NRXN3: variants seen among roughly 807,000 people sequenced by gnomAD.
The protein encoded by NRXN3 is neurexin III.
Under a neutral mutation model 137.6 loss-of-function variants are expected in NRXN3, and 32 were observed. The ratio of observed to expected loss-of-function variants is 0.23; its 90% CI spans 0.18 to 0.31. The LOEUF (loss-of-function observed/expected upper bound fraction) is 0.31, where lower values mean the gene tolerates loss of function less well. NRXN3 is among the 10% of genes least tolerant of loss of function. The probability of loss-of-function intolerance (pLI) is 1.00; values close to 1 mark genes in which losing one functional copy is unlikely to be tolerated. For missense variants in NRXN3, 1,574 were observed against 2,062.5 expected (o/e 0.76, Z 4.59); for synonymous variants, 798 against 784.5 (o/e 1.02, Z -0.29).
At chr14:79,530,468 G>GC (rs2097159470) in intron 16 of NRXN3, among the ~76,000 whole-genome samples, 1 of 152,080 alleles carries the variant, frequency 6.6e-6, no homozygotes, top group African/African-American at 2.4e-5. Context: ...TGCTTCAGAT[G>GC]CCCCCCGGAC....
intron 4 of NRXN3, among the ~76,000 whole-genome samples, chr14:78,411,912 T>A (rs2092852546): frequency 6.6e-6 from 1 of 152,242 alleles, no homozygotes; most frequent in South Asian, 2.1e-4. Flanking sequence ...TGAGATTTTA[T>A]GTGTCTATGT....
At chr14:78,471,511 C>A (rs1211798632) in intron 4 of NRXN3, among the ~76,000 whole-genome samples, 1 of 152,194 alleles carries the variant, frequency 6.6e-6, no homozygotes, top group Non-Finnish European at 1.5e-5. Flanking sequence ...TCACTCAGGT[C>A]TGCTCCCTCT....
At chr14:78,528,854 A>G (rs1353446818) in intron 4 of NRXN3, among the ~76,000 whole-genome samples, 1 of 152,110 alleles carries the variant, frequency 6.6e-6, no homozygotes, top group Non-Finnish European at 1.5e-5. Flanking sequence ...AAAATTCTGT[A>G]TCTAGATTAC....
At chr14:79,707,276 A>G (rs2098784360) in intron 19 of NRXN3, among the ~76,000 whole-genome samples, 1 of 152,200 alleles carries the variant, frequency 6.6e-6, no homozygotes, top group Non-Finnish European at 1.5e-5. Context: ...TAAGTTAAGC[A>G]AATGCTTATC....
rs754889070 is a variant in NRXN3 at position 78,243,474 on chromosome 14, C to A, written c.381C>A (p.Gly127=). ...TGCGCACGGTGCTGATGCTTGATGGCGAGGGCCAGTCTGGGGAGCTGCAGC... is the reference window on the plus strand; with the variant it reads ...TGCGCACGGTGCTGATGCTTGATGGAGAGGGCCAGTCTGGGGAGCTGCAGC... The part of the protein sequence containing the change: ...DRLRTVLMLD[G]EGQSGELQPQ... Residue 127 remains glycine, a synonymous_variant, in exon 2 of 21, where the codon GGC becomes GGA. Coordinates refer to ENST00000335750, the MANE Select transcript of NRXN3 (RefSeq NM_001330195.2). This position sits in a 1 kb window ranked among gnomAD's most constrained non-coding sequence, Gnocchi z 4.2. The A allele has an allele frequency of 1.9e-6, 3 of 1,584,844 alleles. No individual in the cohort carries two copies. In the East Asian group the frequency reaches 6.8e-5, roughly 36 times the overall value.
chr14:79,186,971 C>T (rs1489698663), intron 15 of NRXN3, among the ~76,000 whole-genome samples: 1 of 152,146 alleles, frequency 6.6e-6, no homozygotes, highest in Non-Finnish European at 1.5e-5. Context: ...AGCATTTGAT[C>T]TATATGTTAT....
chr14:78,337,932 G>T (rs1014696303), intron 4 of NRXN3, among the ~76,000 whole-genome samples: 3 of 152,132 alleles, frequency 2.0e-5, no homozygotes, highest in African/African-American at 7.2e-5. Flanking sequence ...GACTGACTCA[G>T]CTTAGGCTGT....
In NRXN3 at chr14:79,257,388, A is replaced by ATGGTGG. The variant is rs1555899794; in HGVS notation, c.3263-209812_3263-209807dup. 7.0e-3 allele frequency among the ~76,000 whole-genome samples: 221 copies of ATGGTGG among 31,426 alleles called. 1 individual carries two copies. The highest frequency in any genetic ancestry group is 0.012 in the East Asian group (11 of 910). The allele number at this position is 31,426 out of a possible 152,430, so 20.6% of individuals were successfully genotyped here. A position where few individuals can be genotyped will look rare whatever the true frequency, so the allele number is the denominator to read the frequency against. ...GGTGGTGGTGGTGGTGGTGGTGGTG[A>ATGGTGG]TGGTGGTGGTGGTGGTGGTGGTGGT... On this transcript the variant is annotated intron_variant, in intron 15 of 20. Coordinates refer to ENST00000335750, the MANE Select transcript of NRXN3 (RefSeq NM_001330195.2).
intron 16 of NRXN3, among the ~76,000 whole-genome samples, chr14:79,501,592 G>C (rs1446396505): frequency 2.0e-5 from 3 of 152,112 alleles, no homozygotes; most frequent in African/African-American, 7.2e-5. Context: ...GGGAACAAAG[G>C]CCCTTGAGGG....
chr14:78,751,274 A>G (rs931609350), intron 8 of NRXN3, among the ~76,000 whole-genome samples: 1 of 152,218 alleles, frequency 6.6e-6, no homozygotes, highest in African/African-American at 2.4e-5. Flanking sequence ...AGCTACCCTC[A>G]TAGCATCCCC....
chr14:79,053,092 A>G (rs2099644311), intron 15 of NRXN3, among the ~76,000 whole-genome samples: 1 of 152,222 alleles, frequency 6.6e-6, no homozygotes, highest in African/African-American at 2.4e-5. Flanking sequence ...TGCCTGTTCT[A>G]TGCTAGCACT....
intron 16 of NRXN3, among the ~76,000 whole-genome samples, chr14:79,494,762 A>G (rs1427031076): frequency 1.3e-5 from 2 of 152,212 alleles, no homozygotes; most frequent in Non-Finnish European, 2.9e-5. Flanking sequence ...ACGTTAAAAT[A>G]TTATGTAACC....
chr14:78,296,897 C>G (rs1212994086), intron 3 of NRXN3, among the ~76,000 whole-genome samples: 1 of 151,994 alleles, frequency 6.6e-6, no homozygotes, highest in Non-Finnish European at 1.5e-5. Context: ...TTGGATATGT[C>G]AAATATCTCC....
chr14:78,336,007 G>A (rs2153576309), intron 4 of NRXN3, among the ~76,000 whole-genome samples: 1 of 152,270 alleles, frequency 6.6e-6, no homozygotes, highest in Non-Finnish European at 1.5e-5. Context: ...ATGTGCTTTG[G>A]AGCTGTGGTC....
chr14:79,610,433 G>A (rs2098084536), intron 16 of NRXN3, among the ~76,000 whole-genome samples: 1 of 152,146 alleles, frequency 6.6e-6, no homozygotes, highest in African/African-American at 2.4e-5. Flanking sequence ...CAACTAAGTT[G>A]TAAAATCCTT....
At chr14:78,487,211 G>C (rs1261162272) in intron 4 of NRXN3, among the ~76,000 whole-genome samples, 2 of 151,476 alleles carry the variant, frequency 1.3e-5, no homozygotes, top group African/African-American at 4.9e-5. Flanking sequence ...TGTGGAATCT[G>C]GTTGATATTT....
intron 1 of NRXN3, among the ~76,000 whole-genome samples, chr14:78,171,261 A>C (rs1331581545): frequency 7.9e-6 from 1 of 127,300 alleles, no homozygotes; most frequent in Non-Finnish European, 1.6e-5. Context: ...AGGTGGTCCT[A>C]GAGTCTAAAA....
At chr14:78,173,223 A>C (rs909093282) in intron 1 of NRXN3, among the ~76,000 whole-genome samples, 1 of 151,062 alleles carries the variant, frequency 6.6e-6, no homozygotes, top group Non-Finnish European at 1.5e-5. Flanking sequence ...TCTATTCTGC[A>C]CCCCCCTTTC....
intron 4 of NRXN3, among the ~76,000 whole-genome samples, chr14:78,544,105 G>T (rs1052874425): frequency 6.6e-6 from 1 of 152,174 alleles, no homozygotes; most frequent in Non-Finnish European, 1.5e-5. Flanking sequence ...GTTCCCACAG[G>T]CTTCCTGCAT....
Sources: gnomAD v4.1 joint callset for allele counts (sites outside exome capture counted in the v4.1 genomes callset) on GRCh38, gnomAD v4.1.1 for gene constraint, Gnocchi (gnomAD v3.1) non-coding constraint, MANE v1.5 for transcripts, NCBI Gene and HGNC (gene_info 2026-07-23, HGNC 2026-07-21) for gene names.